XPNPEP2: variants seen among roughly 807,000 people sequenced by gnomAD.
XPNPEP2 encodes the protein xaa-Pro aminopeptidase 2.
In XPNPEP2, 64 loss-of-function variants were observed where a neutral mutation model predicts 59.8. The observed-to-expected ratio is 1.07, with a 90% CI of 0.87 to 1.32. XPNPEP2 has a LOEUF of 1.32. Ranked by LOEUF, XPNPEP2 falls within the 40% of genes most tolerant of loss-of-function variation. The probability of loss-of-function intolerance (pLI) is 0.00; values close to 1 mark genes in which losing one functional copy is unlikely to be tolerated. For synonymous variants in XPNPEP2, 235 were observed against 210.0 expected, an observed-to-expected ratio of 1.12 and a Z score of -1.03; for missense variants, 575 against 546.8, an observed-to-expected ratio of 1.05 and a Z score of -0.51.
At chrX:129,757,091 C>CACACACACACACACACAT (rs1556393448) in intron 14 of XPNPEP2, among the ~76,000 whole-genome samples, 80 of 100,069 alleles carry the variant, frequency 8.0e-4, no homozygotes, top group African/African-American at 2.7e-3. Context: ...CACACACACA[C>CACACACACACACACACAT]ATATATATAT....
At chrX:129,767,502 TC>T (rs1569477981) in intron 19 of XPNPEP2, 100 bp from the exon 20 acceptor site, 38 of 850,780 alleles carry the variant, frequency 4.5e-5, no homozygotes, top group Admixed American at 1.1e-4. Context: ...GAGGCCCAGC[TC>T]CTTGTGTCCT....
chrX:129,757,993 G>A (rs1038393954), intron 14 of XPNPEP2, among the ~76,000 whole-genome samples: 4 of 110,638 alleles, frequency 3.6e-5, no homozygotes, highest in Admixed American at 2.9e-4. Context: ...CCTTCCAAAC[G>A]TGTGACTGAT....
At chrX:129,745,301 G>C in intron 4 of XPNPEP2, 35 bp downstream of exon 4, 1 of 1,205,105 alleles carries the variant, frequency 8.3e-7, no homozygotes, top group Non-Finnish European at 1.1e-6. Flanking sequence ...TGCTTTTGTT[G>C]GTAGATCCAG....
intron 1 of XPNPEP2, 32 bp downstream of exon 1, chrX:129,739,294 G>A (rs766647295): frequency 3.4e-5 from 40 of 1,191,902 alleles, no homozygotes; most frequent in Non-Finnish European, 3.7e-5. Flanking sequence ...CTGGAAGGCA[G>A]CTCTGACCTC....
In XPNPEP2 at chrX:129,757,890, AG is replaced by A. The variant is rs775484798; in HGVS notation, c.1368-1289del. Among the ~76,000 whole-genome samples, 206 of 71,249 alleles carry A rather than the reference AG, an allele frequency of 2.9e-3. 3 individuals carry two copies. Among genetic ancestry groups the A allele is most frequent in the Admixed American group, 0.011 (55 of 4,960 alleles). 61.9% of individuals were successfully genotyped at this position (71,249 alleles called of 115,157 possible). On this transcript the variant is annotated intron_variant, in intron 14 of 20. Coordinates refer to ENST00000371106, the MANE Select transcript of XPNPEP2 (RefSeq NM_003399.6). The stretch of plus-strand genomic sequence containing the variant: ...GAGAGAGAAAGAGAGAGAGAGAGAG[AG>A]AGAGAAAGAAAGAAAGAAAGAAAGA...
Position 129,754,721 on chromosome X carries a change from A to T in XPNPEP2, c.1217+140A>T, listed in dbSNP as rs1926486016. ...GCTGGGTGGGGGAGGGCTCTGGAGA[A>T]CAAGGAGTGACAGGTTCTTGGGTGG... On this transcript the variant is annotated intron_variant, in intron 12 of 20. Coordinates refer to ENST00000371106, the MANE Select transcript of XPNPEP2 (RefSeq NM_003399.6). The T allele has an allele frequency of 7.3e-6, 4 of 547,644 alleles. No individual in the cohort carries two copies. The South Asian group carries it at 1.2e-4, about 17-fold the overall frequency. The allele number at this position is 547,644 out of a possible 1,213,427, so 45.1% of individuals were successfully genotyped here.
Position 129,746,352 on chromosome X carries a change from G to A in XPNPEP2, c.403+12G>A, listed in dbSNP as rs769731066. On this transcript the variant is annotated intron_variant, in intron 5 of 20. Transcript: ENST00000371106. ...GCTCCATAAGGAAGGTAGAAGGGCC[G>A]CATGGATTTGTTCCCCAAGTCTTGG... The A allele has an allele frequency of 8.4e-6, 10 of 1,192,350 alleles. No homozygotes were observed. Among genetic ancestry groups the A allele is most frequent in the Admixed American group, 4.4e-5 (2 of 45,691 alleles).
At chrX:129,752,732 T>C (rs1160668056) in intron 10 of XPNPEP2, among the ~76,000 whole-genome samples, 1 of 112,235 alleles carries the variant, frequency 8.9e-6, no homozygotes, top group Non-Finnish European at 1.9e-5. Flanking sequence ...CAGGAGTCGC[T>C]CAGTGGAGAT....
chrX:129,744,551 C>A (rs1205910104), intron 3 of XPNPEP2, among the ~76,000 whole-genome samples: 1 of 111,732 alleles, frequency 8.9e-6, no homozygotes, highest in Non-Finnish European at 1.9e-5. Context: ...CTCACTAGCT[C>A]CACCCTCCAC....
chrX:129,753,664 T>G (rs1602904193), intron 11 of XPNPEP2, among the ~76,000 whole-genome samples: 1 of 110,474 alleles, frequency 9.1e-6, no homozygotes, highest in East Asian at 2.8e-4. Flanking sequence ...GAAAAAGAAA[T>G]AAAGAAGCAG....
chrX:129,763,545 A>G (rs1277163140), intron 19 of XPNPEP2, among the ~76,000 whole-genome samples: 1 of 111,203 alleles, frequency 9.0e-6, no homozygotes, highest in Admixed American at 9.6e-5. Context: ...GGTGTCATGC[A>G]CCTGCAGTCC....
chrX:129,745,258 G>A lies in XPNPEP2; in HGVS notation c.290G>A (p.Gly97Glu). Reference protein sequence around the residue: ...ERRAWITGFTGSAGTAVVTMK... With the variant: ...ERRAWITGFTESAGTAVVTMK... ...CGTGCGTGGATTACAGGCTTTACAG[G>A]GTCTGCAGGTGACAATCATTACCCA... The change falls in exon 4 of 21, where the codon GGG (glycine) becomes GAG (glutamate). Residue 97 changes from glycine to glutamate, a missense_variant. Coordinates refer to ENST00000371106, the MANE Select transcript of XPNPEP2 (RefSeq NM_003399.6). 8.3e-7 allele frequency: 1 copy of A among 1,211,519 alleles called. No individual in the cohort carries two copies. The highest frequency in any genetic ancestry group is 1.1e-6 in the Non-Finnish European group (1 of 895,462).
chrX:129,767,692 T>G lies in XPNPEP2; in HGVS notation c.1830T>G (p.His610Gln), dbSNP rs766415572. 8.3e-7 allele frequency: 1 copy of G among 1,211,159 alleles called. No individual in the cohort carries two copies. The highest frequency in any genetic ancestry group is 1.8e-5 in the South Asian group (1 of 56,981). The change falls in exon 20 of 21, where the codon CAT (histidine) becomes CAG (glutamine). Residue 610 changes from histidine (H) to glutamine (Q), a missense_variant and splice_region_variant. Physicochemically the swap from His to Gln is conservative, Grantham distance 24 (BLOSUM62 0). Transcript: ENST00000371106. The stretch of plus-strand genomic sequence containing the variant: ...ATGTCAGCCTGCTGTCTCCCGAGCA[T>G]GTGAGTGCCCCTCAGCATTGCCTTC... ...LIDVSLLSPE[H>Q]LQYLNRYYQT...
At chrX:129,742,673 A>G (rs1480023436) in intron 2 of XPNPEP2, among the ~76,000 whole-genome samples, 2 of 110,962 alleles carry the variant, frequency 1.8e-5, no homozygotes, top group South Asian at 3.8e-4. Flanking sequence ...AGACCGAGCC[A>G]GGTGGATCAC....
intron 2 of XPNPEP2, among the ~76,000 whole-genome samples, chrX:129,742,427 A>C (rs1395542565): frequency 4.5e-5 from 4 of 88,761 alleles, no homozygotes; most frequent in Non-Finnish European, 9.0e-5. Context: ...TCATTCCCCC[A>C]GCAGGTTATC....
rs775290387 is a variant in XPNPEP2 at position 129,758,526 on chromosome X, A to C, written c.1368-654A>C. On this transcript the variant is annotated intron_variant, in intron 14 of 20. Coordinates refer to ENST00000371106, the MANE Select transcript of XPNPEP2 (RefSeq NM_003399.6). ...TGGGAGTTGGGAGTCAGACCTTGGG[A>C]CTGAGGCTTCACCTAACTGGAACTC... is the stretch of plus-strand genomic sequence containing the variant. Among the ~76,000 whole-genome samples, 21 of 111,349 alleles carry C rather than the reference A, an allele frequency of 1.9e-4. No homozygotes were observed. The South Asian group carries it at 7.2e-3, about 38-fold the overall frequency.
intron 13 of XPNPEP2, 136 bp from the exon 14 acceptor site, chrX:129,756,348 G>A: frequency 1.7e-6 from 1 of 572,486 alleles, no homozygotes; most frequent in South Asian, 2.6e-5. Context: ...CTCTTCCAGG[G>A]CCCTTTGGGA....
At chrX:129,743,881 C>G (rs1040242236) in intron 2 of XPNPEP2, 80 bp from the exon 3 acceptor site, 1 of 934,387 alleles carries the variant, frequency 1.1e-6, no homozygotes, top group African/African-American at 1.9e-5. Context: ...TTCTGGAGGC[C>G]AGGGGCCCAG....
At position 129,752,234 on chromosome X, in the gene XPNPEP2, C is replaced by T. The variant is rs375256196; in HGVS notation, c.906C>T (p.Ile302=). The change falls in exon 10 of 21, where the codon ATC becomes ATT. Residue 302 remains isoleucine (I), a synonymous_variant. Transcript: ENST00000371106. ...SSCTGPMCVQ[I]EDYSQVRDSI... is the part of the protein sequence containing the mutation. ...GCACAGGCCCCATGTGTGTGCAAAT[C>T]GAGGATTACAGCCAAGTTCGTGACA... is the stretch of plus-strand genomic sequence containing the variant. 2 of 1,205,579 alleles carry T rather than the reference C, an allele frequency of 1.7e-6. No homozygotes were observed. The highest frequency in any genetic ancestry group is 1.8e-5 in the South Asian group (1 of 56,785).
Sources: allele counts gnomAD v4.1 joint callset (sites outside exome capture counted in the v4.1 genomes callset), GRCh38; gene constraint gnomAD v4.1.1; transcripts MANE v1.5; gene names NCBI Gene and HGNC (gene_info 2026-07-23, HGNC 2026-07-21).